The following L3MBTL1 variants were observed in gnomAD, a reference collection of about 807,000 sequenced individuals.
L3MBTL1 encodes L3MBTL histone methyl-lysine binding protein 1.
Under a neutral mutation model 105.3 loss-of-function variants are expected in L3MBTL1, and 75 were observed. The ratio of observed to expected loss-of-function variants is 0.71; its 90% CI spans 0.59 to 0.86. L3MBTL1 has a LOEUF of 0.86. Ranked by LOEUF, L3MBTL1 falls within the 40% of genes least tolerant of loss-of-function variation. The probability of loss-of-function intolerance (pLI) is 0.00; values close to 1 mark genes in which losing one functional copy is unlikely to be tolerated. For synonymous variants in L3MBTL1, 452 were observed against 436.2 expected, an observed-to-expected ratio of 1.04 and a Z score of -0.45; for missense variants, 1,069 against 1,126.4, an observed-to-expected ratio of 0.95 and a Z score of 0.73.
intron 10 of L3MBTL1, 47 bp from the exon 11 acceptor site, chr20:43,530,751 G>T (rs2019293744): frequency 6.4e-7 from 1 of 1,569,442 alleles, no homozygotes. Flanking sequence ...CCTTGCTGTG[G>T]CCCAGCCTCT....
At chr20:43,548,940 G>A (rs1978808443) in exon 19 of L3MBTL1, 2 of 152,226 alleles carry the variant, frequency 1.3e-5, no homozygotes. Context: ...CCCAGTTCTG[G>A]ACCAGTTGGC....
chr20:43,521,726 C>A (rs1384762130), intron 7 of L3MBTL1, among the ~76,000 whole-genome samples: 1 of 152,046 alleles, frequency 6.6e-6, no homozygotes, highest in Non-Finnish European at 1.5e-5. Context: ...TATTTTTTAT[C>A]ATTATTTTTA....
At chr20:43,526,995 C>G (rs2019066952) in intron 7 of L3MBTL1, among the ~76,000 whole-genome samples, 2 of 152,054 alleles carry the variant, frequency 1.3e-5, no homozygotes, top group South Asian at 4.1e-4. Flanking sequence ...CCACTTAGGT[C>G]CCAACTAAAG....
downstream of L3MBTL1, among the ~76,000 whole-genome samples, chr20:43,546,432 G>A (rs1380581388): frequency 3.3e-5 from 5 of 152,186 alleles, no homozygotes; most frequent in Admixed American, 3.3e-4. Context: ...TGTCTGCCTT[G>A]GTTTCCTCAT....
intron 8 of L3MBTL1, chr20:43,528,989 T>C (rs1227408812): frequency 1.7e-6 from 1 of 601,802 alleles, no homozygotes; most frequent in African/African-American, 1.9e-5. Context: ...ACTTTTGAAT[T>C]CTGGTGACTT....
intron 1 of L3MBTL1, 119 bp from the exon 2 acceptor site, chr20:43,513,357 G>T (rs2018189232): frequency 2.0e-6 from 2 of 1,001,902 alleles, no homozygotes; most frequent in South Asian, 1.6e-5. Context: ...GCCTTTCTCT[G>T]CAGGTCACGG....
In L3MBTL1 at chr20:43,541,740, G is replaced by A; in HGVS notation, c.*612G>A. 2.4e-6 allele frequency: 2 copies of A among 848,154 alleles called. No individual in the cohort carries two copies. The highest frequency in any genetic ancestry group is 2.8e-6 in the Non-Finnish European group (2 of 703,804). 52.5% of individuals were successfully genotyped at this position (848,154 alleles called of 1,614,324 possible). ...CTTATGGGACCATGGTTTTAAATGTGGAATCATTGACAGAAATGTCTTTAT... is the reference window on the plus strand; with the variant it reads ...CTTATGGGACCATGGTTTTAAATGTAGAATCATTGACAGAAATGTCTTTAT... On this transcript the variant is annotated 3_prime_UTR_variant, in exon 22 of 22. Transcript: ENST00000418998.
At chr20:43,518,185 A>G (rs1456430417) in intron 7 of L3MBTL1, among the ~76,000 whole-genome samples, 1 of 151,498 alleles carries the variant, frequency 6.6e-6, no homozygotes, top group African/African-American at 2.4e-5. Context: ...AAGGAAAGAA[A>G]CTGTATCAGT....
rs774998882 is a variant in L3MBTL1, at chr20:43,534,880, A to G, written c.1763A>G (p.His588Arg). The change falls in exon 16 of 22, where the codon CAC becomes CGC. Residue 588 changes from histidine (H) to arginine (R), a missense_variant. Transcript: ENST00000418998. ...HGYDFWIDAD[H>R]PDIHPAGWCS... The stretch of plus-strand genomic sequence containing the variant: ...TATGATTTCTGGATCGACGCTGACC[A>G]CCCAGACATCCACCCTGCCGGCTGG... 7.5e-6 allele frequency: 12 copies of G among 1,609,606 alleles called. No homozygotes were observed. Among genetic ancestry groups the G allele is most frequent in the African/African-American group, 1.3e-5 (1 of 74,440 alleles).
intron 19 of L3MBTL1, chr20:43,539,710 A>C: frequency 3.9e-6 from 1 of 258,332 alleles, no homozygotes. Flanking sequence ...GGCTCTGAGA[A>C]AGTTGGTCGT....
intron 1 of L3MBTL1, among the ~76,000 whole-genome samples, chr20:43,511,434 T>C (rs1164390189): frequency 1.3e-5 from 2 of 152,132 alleles, no homozygotes; most frequent in African/African-American, 4.8e-5. Context: ...AAATATATAA[T>C]AGTAATGAGA....
chr20:43,513,043 G>T (rs994085451), intron 1 of L3MBTL1, among the ~76,000 whole-genome samples: 1 of 152,184 alleles, frequency 6.6e-6, no homozygotes, highest in African/African-American at 2.4e-5. Flanking sequence ...GGTACTTGAG[G>T]TCTCTGAATC....
Position 43,515,388 on chromosome 20 carries a change from A to G in L3MBTL1, c.750A>G (p.Ser250=). 7 of 1,559,166 alleles carry G rather than the reference A, an allele frequency of 4.5e-6. No homozygotes were observed. Among genetic ancestry groups the G allele is most frequent in the Non-Finnish European group, 6.1e-6 (7 of 1,150,476 alleles). Residue 250 remains serine, a synonymous_variant, in exon 6 of 22, where the codon TCA becomes TCG. Transcript: ENST00000418998. ...KRKRREYQSP[S]EEESEPEAME... ...AGCGCAGGGAATACCAGAGCCCATCAGAGGAGGAGTCGGAGCCAGAGGCCA... is the reference window on the plus strand; with the variant it reads ...AGCGCAGGGAATACCAGAGCCCATCGGAGGAGGAGTCGGAGCCAGAGGCCA...
rs2019263673 is a variant in L3MBTL1, at chr20:43,530,315, A to T, written c.1088A>T (p.Asp363Val). ...VCGYRLRLHF[D>V]GYSECHDFWV... ...GGCTATCGCCTACGCCTGCACTTTG[A>T]TGGGTATTCTGAGTGCCATGACTTC... The change falls in exon 10 of 22, where the codon GAT (aspartate) becomes GTT (valine). Residue 363 changes from aspartate to valine, a missense_variant. Transcript: ENST00000418998. The T allele has an allele frequency of 5.6e-6, 9 of 1,613,926 alleles. No homozygotes were observed. Among genetic ancestry groups the T allele is most frequent in the Non-Finnish European group, 6.8e-6 (8 of 1,179,968 alleles).
At position 43,540,121 on chromosome 20, in the gene L3MBTL1, GGCCTGCCA is replaced by G. The variant is rs1568928450; in HGVS notation, c.2174-25_2174-18del. On this transcript the variant is annotated intron_variant, in intron 19 of 21. Transcript: ENST00000418998. ...CGGGAACAGTTTAGTCATCCTCGTT[GGCCTGCCA>G]GCCTCTGCCTCTGCTTTCCAGCCCT... 2.5e-6 allele frequency: 4 copies of G among 1,607,520 alleles called. No individual in the cohort carries two copies. In the Admixed American group the frequency reaches 6.7e-5, roughly 27 times the overall value.
At chr20:43,517,619 G>T (rs370328529) in intron 7 of L3MBTL1, among the ~76,000 whole-genome samples, 1 of 152,204 alleles carries the variant, frequency 6.6e-6, no homozygotes, top group African/African-American at 2.4e-5. Context: ...CTAGAGCCTG[G>T]TATGGAATAA....
rs1207665726 is a variant in L3MBTL1 at position 43,541,008 on chromosome 20, G to A, written c.2469G>A (p.Val823=). 1 of 1,614,046 alleles carries A rather than the reference G, an allele frequency of 6.2e-7. No individual in the cohort carries two copies. The highest frequency in any genetic ancestry group is 1.3e-5 in the African/African-American group (1 of 74,916). ...CTGTGGCCCAGCTTGGGGACCTTGT[G>A]TGCTCAGATCATCTTCAGGAAGGAA... ...VWTVAQLGDL[V]CSDHLQEGKG... is the part of the protein sequence containing the mutation. The change falls in exon 22 of 22, where the codon GTG becomes GTA. Residue 823 remains valine, a synonymous_variant. Transcript: ENST00000418998.
intron 10 of L3MBTL1, 179 bp downstream of exon 10, chr20:43,530,598 T>A: frequency 1.3e-6 from 1 of 788,082 alleles, no homozygotes; most frequent in Non-Finnish European, 2.0e-6. Context: ...CCAGAAGCCC[T>A]AGAACTTCCG....
At position 43,541,454 on chromosome 20, in the gene L3MBTL1, A is replaced by G. The variant is rs367725477; in HGVS notation, c.*326A>G. 8 of 296,800 alleles carry G rather than the reference A, an allele frequency of 2.7e-5. 1 individual carries two copies. Among genetic ancestry groups the G allele is most frequent in the Admixed American group, 9.2e-5 (2 of 21,756 alleles). The allele number at this position is 296,800 out of a possible 1,614,324, so 18.4% of individuals were successfully genotyped here. ...AATGAATCATACCAGAACGTCTAGTATAATTACAGTCATGCATTGCTTAAC... is the reference window on the plus strand; with the variant it reads ...AATGAATCATACCAGAACGTCTAGTGTAATTACAGTCATGCATTGCTTAAC... On this transcript the variant is annotated 3_prime_UTR_variant, in exon 22 of 22. Transcript: ENST00000418998.
Sources: gnomAD v4.1 joint callset for allele counts (sites outside exome capture counted in the v4.1 genomes callset) on GRCh38, gnomAD v4.1.1 for gene constraint, MANE v1.5 for transcripts, NCBI Gene and HGNC (gene_info 2026-07-23, HGNC 2026-07-21) for gene names.